Variants in CHRM3 observed in about 807,000 individuals in gnomAD.
CHRM3 encodes cholinergic receptor muscarinic 3, also known as muscarinic acetylcholine receptor M3.
CHRM3 carries 11 observed loss-of-function variants against 41.8 expected under a neutral mutation model. The ratio of observed to expected loss-of-function variants is 0.26; its 90% confidence interval spans 0.17 to 0.44. CHRM3 has a LOEUF of 0.44. Ranked by LOEUF, CHRM3 falls within the 20% of genes least tolerant of loss-of-function variation. CHRM3 has a pLI of 1.00. For missense variants in CHRM3, 571 were observed against 745.4 expected, an observed-to-expected ratio of 0.77 and a Z score of 2.72; for synonymous variants, 297 against 301.4, an observed-to-expected ratio of 0.99 and a Z score of 0.15.
chr1:239,594,717 G>A (rs545542465), intron 3 of CHRM3, among the ~76,000 whole-genome samples: 3 of 152,296 alleles, frequency 2.0e-5, no homozygotes, highest in South Asian at 4.1e-4. Context: ...TGAAAAGAAA[G>A]TCTTTTAAGA....
rs532239022 is a variant in CHRM3 at position 239,652,491 on chromosome 1, T to C, written c.-250+20205T>C. ...ACATATAAAGTGTTTATGTAGTGCC[T>C]ACCTGTTAGTAACTGTTCAATAATT... On this transcript the variant is annotated intron_variant, in intron 4 of 6. Transcript: ENST00000676153. 2.6e-5 allele frequency among the ~76,000 whole-genome samples: 4 copies of C among 152,352 alleles called. No individual in the cohort carries two copies. In the South Asian group the frequency reaches 6.2e-4, roughly 24 times the overall value.
chr1:239,820,242 A>G (rs1360154880), intron 5 of CHRM3, among the ~76,000 whole-genome samples: 1 of 152,184 alleles, frequency 6.6e-6, no homozygotes, highest in Non-Finnish European at 1.5e-5. Flanking sequence ...TGGTGCACAG[A>G]CGCTTATACA....
At chr1:239,547,894 G>A (rs1199669729) in intron 3 of CHRM3, among the ~76,000 whole-genome samples, 1 of 151,954 alleles carries the variant, frequency 6.6e-6, no homozygotes, top group Non-Finnish European at 1.5e-5. Context: ...AAAAAAAGTG[G>A]TTTATTAGGC....
chr1:239,595,440 C>T (rs954743480), intron 3 of CHRM3, among the ~76,000 whole-genome samples: 2 of 152,200 alleles, frequency 1.3e-5, no homozygotes, highest in African/African-American at 4.8e-5. Flanking sequence ...AAGATATTGA[C>T]ATATTCAACT....
At chr1:239,844,816 C>CACCT (rs1357193710) in intron 6 of CHRM3, among the ~76,000 whole-genome samples, 1 of 152,190 alleles carries the variant, frequency 6.6e-6, no homozygotes, top group Non-Finnish European at 1.5e-5. Context: ...ACCCCTTATG[C>CACCT]ACCTGGCTTT....
intron 1 of CHRM3, among the ~76,000 whole-genome samples, chr1:239,455,554 G>A (rs1193133804): frequency 6.6e-6 from 1 of 152,022 alleles, no homozygotes; most frequent in African/African-American, 2.4e-5. Context: ...AAGTTACGGT[G>A]TGTGTTTCTG....
At chr1:239,785,340 C>A (rs530750675) in intron 5 of CHRM3, among the ~76,000 whole-genome samples, 186 of 152,238 alleles carry the variant, frequency 1.2e-3, no homozygotes, top group African/African-American at 4.3e-3. Context: ...ATTATTAAAC[C>A]CGGTTATGTG....
At chr1:239,874,464 A>G (rs899368754) in intron 6 of CHRM3, among the ~76,000 whole-genome samples, 25 of 151,420 alleles carry the variant, frequency 1.7e-4, no homozygotes, top group African/African-American at 5.8e-4. Context: ...CCAACTTTTC[A>G]TAATCACAGG....
chr1:239,745,830 T>C (rs1328583522), intron 5 of CHRM3, among the ~76,000 whole-genome samples: 1 of 152,164 alleles, frequency 6.6e-6, no homozygotes, highest in East Asian at 1.9e-4. Context: ...TCTTATAATT[T>C]TTAATAGAGC....
chr1:239,678,923 G>A (rs1427062839), intron 5 of CHRM3, among the ~76,000 whole-genome samples: 1 of 152,020 alleles, frequency 6.6e-6, no homozygotes, highest in Non-Finnish European at 1.5e-5. Flanking sequence ...TCTGAAAGTA[G>A]ATTCTCACTA....
At chr1:239,637,722 TTTG>T (rs1229076855) in intron 4 of CHRM3, among the ~76,000 whole-genome samples, 1 of 149,592 alleles carries the variant, frequency 6.7e-6, no homozygotes, top group Non-Finnish European at 1.5e-5. Context: ...TTTTTTTTTT[TTTG>T]GGGAATTTGT....
rs556151873 is a variant in CHRM3, at chr1:239,480,792, T to C, written c.-520-11917T>C. Among the ~76,000 whole-genome samples, 6 of 152,128 alleles carry C rather than the reference T, an allele frequency of 3.9e-5. No homozygotes were observed. In the East Asian group the frequency reaches 1.2e-3, roughly 30 times the overall value. On this transcript the variant is annotated intron_variant, in intron 1 of 6. Transcript: ENST00000676153. ...CCAGGATGGTCTCGATCTCCTGACC[T>C]TGTGATCTGCCCGCCTCGGCCTCCC...
At position 239,631,105 on chromosome 1, in the gene CHRM3, A is replaced by C. The variant is rs1004127761; in HGVS notation, c.-312-1119A>C. Among the ~76,000 whole-genome samples, 11 of 152,184 alleles carry C rather than the reference A, an allele frequency of 7.2e-5. No homozygotes were observed. The East Asian group carries it at 2.1e-3, about 29-fold the overall frequency. On this transcript the variant is annotated intron_variant, in intron 3 of 6. Transcript: ENST00000676153. ...AGAGGACCAATGCTTGTGAGCATAA[A>C]TGTGCTTCTCAAACTGAAGAAGGAG... is the stretch of plus-strand genomic sequence containing the variant.
chr1:239,467,568 G>A (rs1210763959), intron 1 of CHRM3, among the ~76,000 whole-genome samples: 1 of 152,156 alleles, frequency 6.6e-6, no homozygotes, highest in Admixed American at 6.5e-5. Context: ...CCAAAGTGCT[G>A]GAATCACAGG....
intron 5 of CHRM3, among the ~76,000 whole-genome samples, chr1:239,801,955 ATAC>A (rs1670256267): frequency 1.3e-5 from 2 of 152,172 alleles, no homozygotes; most frequent in South Asian, 4.1e-4. Flanking sequence ...GCCTACGGAC[ATAC>A]CCAGTGACCA....
At chr1:239,745,308 G>C (rs1665248242) in intron 5 of CHRM3, among the ~76,000 whole-genome samples, 1 of 151,468 alleles carries the variant, frequency 6.6e-6, no homozygotes, top group Admixed American at 6.6e-5. Flanking sequence ...TTTCAACAAA[G>C]TTGAATATCC....
intron 3 of CHRM3, among the ~76,000 whole-genome samples, chr1:239,629,916 G>A (rs7527924): frequency 0.75 from 113,367 of 152,064 alleles, 43,287 homozygotes; most frequent in African/African-American, 0.91. Flanking sequence ...TGACCTTTGA[G>A]CCATGTTTAC....
chr1:239,618,640 C>T lies in CHRM3; in HGVS notation c.-312-13584C>T, dbSNP rs113688787. ...CGGTCGGATCACGAGGTCAGGAGAT[C>T]GAGACCATCCTGGCTAACACGGTGA... On this transcript the variant is annotated intron_variant, in intron 3 of 6. Coordinates refer to ENST00000676153, the MANE Select transcript of CHRM3 (RefSeq NM_001375978.1). Among the ~76,000 whole-genome samples the T allele has an allele frequency of 8.6e-3, 1,293 of 151,020 alleles. 18 individuals are homozygous for T. The highest frequency in any genetic ancestry group is 0.029 in the African/African-American group (1,194 of 41,140).
chr1:239,669,694 G>A (rs545157009), intron 4 of CHRM3, among the ~76,000 whole-genome samples: 3 of 152,160 alleles, frequency 2.0e-5, no homozygotes, highest in African/African-American at 4.8e-5. Flanking sequence ...GGATAATAAC[G>A]TGGAAGGGGT....
Sources: gnomAD v4.1 joint callset for allele counts (sites outside exome capture counted in the v4.1 genomes callset) on GRCh38, gnomAD v4.1.1 for gene constraint, MANE v1.5 for transcripts, NCBI Gene and HGNC (gene_info 2026-07-23, HGNC 2026-07-21) for gene names.